Variants in DRC9 observed in about 807,000 individuals in gnomAD.
DRC9 encodes dynein regulatory complex protein 9.
the DRC9 span, among the ~76,000 whole-genome samples, chr3:197,898,083 G>A: frequency 6.6e-6 from 1 of 151,876 alleles, no homozygotes; most frequent in Non-Finnish European, 1.5e-5. Flanking sequence ...GCCCAGCCAA[G>A]CATAAATCTT....
At chr3:197,936,169 A>G in the DRC9 span, among the ~76,000 whole-genome samples, 253 of 152,212 alleles carry the variant, frequency 1.7e-3, no homozygotes, top group African/African-American at 5.1e-3. Context: ...GTCTCAAAAA[A>G]AGAAAAAAAA....
the DRC9 span, among the ~76,000 whole-genome samples, chr3:197,940,180 G>C: frequency 6.6e-6 from 1 of 151,872 alleles, no homozygotes; most frequent in Non-Finnish European, 1.5e-5. Flanking sequence ...ATTTTTAGTA[G>C]AGATGAGGTT....
At chr3:197,904,047 TAC>T in the DRC9 span, among the ~76,000 whole-genome samples, 37 of 100,194 alleles carry the variant, frequency 3.7e-4, no homozygotes, top group African/African-American at 1.6e-3. Context: ...TACATATATA[TAC>T]ATACATATAT....
At chr3:197,915,783 C>T in the DRC9 span, among the ~76,000 whole-genome samples, 4 of 151,856 alleles carry the variant, frequency 2.6e-5, no homozygotes, top group African/African-American at 9.7e-5. Context: ...GTGCTCACCA[C>T]CACACCCAGC....
At chr3:197,954,581 C>T in the DRC9 span, 22 of 263,566 alleles carry the variant, frequency 8.3e-5, no homozygotes, top group Non-Finnish European at 1.5e-4. Flanking sequence ...ATGATCTCAG[C>T]TTGCTGCTAC....
At chr3:197,943,764 G>C in the DRC9 span, 15 of 1,602,366 alleles carry the variant, frequency 9.4e-6, no homozygotes, top group Non-Finnish European at 1.3e-5. Flanking sequence ...AACTCATGGT[G>C]AGTGGGTCTA....
chr3:197,930,193 A>C, the DRC9 span, among the ~76,000 whole-genome samples: 1 of 151,798 alleles, frequency 6.6e-6, no homozygotes, highest in African/African-American at 2.4e-5. Flanking sequence ...CATCTCTACA[A>C]AAAAATACAT....
At chr3:197,933,560 G>T in the DRC9 span, among the ~76,000 whole-genome samples, 5 of 151,934 alleles carry the variant, frequency 3.3e-5, no homozygotes, top group African/African-American at 4.8e-5. Context: ...AAAGTATAAA[G>T]AATAAAATAA....
chr3:197,891,265 T>C, the DRC9 span, among the ~76,000 whole-genome samples: 1 of 152,214 alleles, frequency 6.6e-6, no homozygotes, highest in Non-Finnish European at 1.5e-5. Flanking sequence ...TCCTTTTCTA[T>C]GTTAACTGTC....
chr3:197,938,533 G>A, the DRC9 span: 4 of 1,582,600 alleles, frequency 2.5e-6, no homozygotes, highest in South Asian at 4.4e-5. Flanking sequence ...ACTGCCAAAT[G>A]TCTTCCTTCC....
chr3:197,951,199 C>G, the DRC9 span: 1 of 1,614,116 alleles, frequency 6.2e-7, no homozygotes, highest in Non-Finnish European at 8.5e-7. Context: ...TAAGCGGGGT[C>G]TCCGGAACCA....
chr3:197,932,158 C>T, the DRC9 span: 41 of 1,607,086 alleles, frequency 2.6e-5, no homozygotes, highest in Non-Finnish European at 3.5e-5. Flanking sequence ...GCAAGTAAAC[C>T]TAACATGACT....
the DRC9 span, among the ~76,000 whole-genome samples, chr3:197,890,872 G>A: frequency 1.3e-5 from 2 of 152,116 alleles, no homozygotes; most frequent in Non-Finnish European, 2.9e-5. Context: ...TACCCACTAG[G>A]GCCTCGACCT....
the DRC9 span, among the ~76,000 whole-genome samples, chr3:197,908,438 G>C: frequency 2.1e-5 from 3 of 144,308 alleles, no homozygotes; most frequent in African/African-American, 7.9e-5. Flanking sequence ...GACTGTACCA[G>C]GTCTGAAGAG....
the DRC9 span, among the ~76,000 whole-genome samples, chr3:197,904,071 CATATATATATACATACATATATATAT>C: frequency 2.2e-5 from 1 of 45,976 alleles, no homozygotes; most frequent in African/African-American, 5.2e-5. Flanking sequence ...TATATACATA[CATATATATATACATACATATATATAT>C]ATATATATAT....
At chr3:197,954,617 C>T in the DRC9 span, among the ~76,000 whole-genome samples, 13 of 152,162 alleles carry the variant, frequency 8.5e-5, no homozygotes, top group Admixed American at 6.5e-5. Flanking sequence ...TCATGTGATT[C>T]TTGTGCCTCA....
the DRC9 span, chr3:197,889,612 C>T: frequency 6.2e-7 from 1 of 1,614,196 alleles, no homozygotes; most frequent in South Asian, 1.1e-5. Flanking sequence ...TTATCCTTGC[C>T]TTTACCTTTG....
the DRC9 span, chr3:197,938,720 T>C: frequency 1.9e-6 from 3 of 1,614,172 alleles, no homozygotes; most frequent in East Asian, 2.2e-5. Flanking sequence ...ATTTTTGTGA[T>C]TGTTGAGGCC....
the DRC9 span, chr3:197,953,971 T>C: frequency 3.1e-6 from 5 of 1,611,374 alleles, no homozygotes; most frequent in Admixed American, 1.7e-5. Context: ...TATATCAGCT[T>C]GTATTCCTCT....
Sources: gnomAD v4.1 joint callset for allele counts (sites outside exome capture counted in the v4.1 genomes callset) on GRCh38, gnomAD v4.1.1 for gene constraint, MANE v1.5 for transcripts, NCBI Gene and HGNC (gene_info 2026-07-23, HGNC 2026-07-21) for gene names.